The following C8A variants were observed in gnomAD, a reference collection of about 807,000 sequenced individuals.
C8A encodes the protein complement component C8 alpha chain.
Under a neutral mutation model 65.3 loss-of-function variants are expected in C8A, and 67 were observed. The ratio of observed to expected loss-of-function variants is 1.03; its 90% CI spans 0.84 to 1.26. The LOEUF is 1.26. C8A is among the 50% of genes most tolerant of loss of function. The pLI is 0.00. For synonymous variants in C8A, 290 were observed against 259.4 expected (o/e 1.12, Z -1.13); for missense variants, 781 against 723.9 (o/e 1.08, Z -0.90).
intron 7 of C8A, among the ~76,000 whole-genome samples, chr1:56,892,997 C>T (rs1486487444): frequency 2.0e-5 from 3 of 152,130 alleles, no homozygotes; most frequent in Non-Finnish European, 4.4e-5. Flanking sequence ...TGATGATTTG[C>T]TCACAAAAAC....
At chr1:56,875,896 C>A (rs1235511709) in intron 3 of C8A, among the ~76,000 whole-genome samples, 166 bp from the exon 4 acceptor site, 2 of 152,056 alleles carry the variant, frequency 1.3e-5, no homozygotes, top group Non-Finnish European at 2.9e-5. Flanking sequence ...TGGGAGGCTG[C>A]AGACAGGAGC....
chr1:56,907,263 A>C (rs1293590805), intron 8 of C8A, among the ~76,000 whole-genome samples: 3 of 152,174 alleles, frequency 2.0e-5, no homozygotes, highest in African/African-American at 7.2e-5. Context: ...TTACTCATCC[A>C]TTCATCAAAC....
intron 10 of C8A, among the ~76,000 whole-genome samples, chr1:56,913,897 C>T (rs1180668483): frequency 6.6e-6 from 1 of 152,152 alleles, no homozygotes; most frequent in African/African-American, 2.4e-5. Flanking sequence ...CCATTAGTCC[C>T]AGTTCACTCA....
At chr1:56,883,718 A>G (rs761985194) in intron 6 of C8A, 37 bp downstream of exon 6, 1 of 1,539,588 alleles carries the variant, frequency 6.5e-7, no homozygotes. Flanking sequence ...ACAGTATTCC[A>G]TAATATACAC....
intron 7 of C8A, among the ~76,000 whole-genome samples, chr1:56,887,981 C>T (rs1007478084): frequency 2.0e-5 from 3 of 151,852 alleles, no homozygotes; most frequent in African/African-American, 4.8e-5. Flanking sequence ...CAGGGCCTGT[C>T]GGGGATGGGG....
At chr1:56,893,927 A>G (rs1644368352) in intron 7 of C8A, among the ~76,000 whole-genome samples, 1 of 152,170 alleles carries the variant, frequency 6.6e-6, no homozygotes, top group African/African-American at 2.4e-5. Flanking sequence ...CTTCTAAATG[A>G]GTCAATGAGA....
In C8A at chr1:56,907,927, G is replaced by A. The variant is rs185107573; in HGVS notation, c.1223-29G>A. The A allele has an allele frequency of 1.4e-3, 2,309 of 1,613,866 alleles. 20 individuals carry two copies. Among genetic ancestry groups the A allele is most frequent in the Middle Eastern group, 6.6e-3 (40 of 6,060 alleles). On this transcript the variant is annotated intron_variant, in intron 8 of 10. Transcript: ENST00000361249. ...AGTCCTTGGGCTTTTTGGGAAATGAGTTAATGCAGTTTATCCTCTTGATGG... is the reference window on the plus strand; with the variant it reads ...AGTCCTTGGGCTTTTTGGGAAATGAATTAATGCAGTTTATCCTCTTGATGG...
chr1:56,880,661 CAA>C lies in C8A; in HGVS notation c.465-782_465-781del, dbSNP rs540730766. Among the ~76,000 whole-genome samples, 1,124 of 152,152 alleles carry C rather than the reference CAA, an allele frequency of 7.4e-3. 11 individuals carry two copies. Among genetic ancestry groups the C allele is most frequent in the Non-Finnish European group, 0.012 (814 of 67,980 alleles). On this transcript the variant is annotated intron_variant, in intron 4 of 10. Transcript: ENST00000361249. ...GCACTATGAATTGCATCCAATATTT[CAA>C]AGTTTTTTTTTGTAGCAGCAGAGCC...
rs267598667 is a variant in C8A, at chr1:56,874,989, G to T, written c.212G>T (p.Gly71Val). The change falls in exon 3 of 11, where the codon GGA becomes GTA. Residue 71 changes from glycine (G) to valine (V), a missense_variant. By Grantham distance (109) the Gly-to-Val change is moderately radical (BLOSUM62 -3). Coordinates refer to ENST00000361249, the MANE Select transcript of C8A (RefSeq NM_000562.3). ...CTCTTGCAGCCAAACAAGTTTGGGG[G>T]AACCATCTGCAGTGGTGACATCTGG... ...RSLLQPNKFG[G>V]TICSGDIWDQ... The T allele has an allele frequency of 1.2e-6, 2 of 1,613,610 alleles. No homozygotes were observed. Among genetic ancestry groups the T allele is most frequent in the Non-Finnish European group, 1.7e-6 (2 of 1,179,822 alleles).
intron 4 of C8A, among the ~76,000 whole-genome samples, chr1:56,877,979 A>C (rs1644213980): frequency 6.6e-6 from 1 of 152,202 alleles, no homozygotes; most frequent in South Asian, 2.1e-4. Context: ...ATAACAAAAC[A>C]CCACATCCTG....
chr1:56,899,522 A>G (rs991246726), intron 7 of C8A, among the ~76,000 whole-genome samples: 4 of 152,194 alleles, frequency 2.6e-5, no homozygotes, highest in African/African-American at 4.8e-5. Flanking sequence ...TGAGTGAGCT[A>G]ACACATGGAA....
rs769091563 is a variant in C8A at position 56,912,624 on chromosome 1, A to G, written c.1602A>G (p.Glu534=). Residue 534 remains glutamate (E), a splice_region_variant and synonymous_variant, in exon 10 of 11, where the codon GAA becomes GAG. Transcript: ENST00000361249. ...CTGCCTGTGAGCAAACACAGACAGA[A>G]GGTAAGGTCCGTGCATCCCCACCCA... ...LGAACEQTQT[E]GAKADGSWSC... 26 of 1,613,830 alleles carry G rather than the reference A, an allele frequency of 1.6e-5. No individual in the cohort carries two copies. Among genetic ancestry groups the G allele is most frequent in the Non-Finnish European group, 8.5e-7 (1 of 1,179,932 alleles).
At chr1:56,862,294 G>T (rs1014368976) in intron 1 of C8A, among the ~76,000 whole-genome samples, 1 of 152,180 alleles carries the variant, frequency 6.6e-6, no homozygotes, top group Non-Finnish European at 1.5e-5. Context: ...ATGCATATTT[G>T]CTGGACTCTA....
chr1:56,888,612 A>T (rs2101254688), intron 7 of C8A, among the ~76,000 whole-genome samples: 1 of 152,324 alleles, frequency 6.6e-6, no homozygotes, highest in East Asian at 1.9e-4. Flanking sequence ...TTAAATAAAA[A>T]CATGCATATT....
intron 1 of C8A, among the ~76,000 whole-genome samples, chr1:56,861,712 G>C (rs990295340): frequency 3.3e-5 from 5 of 152,190 alleles, no homozygotes; most frequent in Non-Finnish European, 7.3e-5. Context: ...TGAAGACTGA[G>C]CACTTTCAAA....
chr1:56,886,846 C>G (rs1644304232), intron 7 of C8A, among the ~76,000 whole-genome samples: 1 of 152,142 alleles, frequency 6.6e-6, no homozygotes, highest in Non-Finnish European at 1.5e-5. Context: ...AATGATGTTA[C>G]TCCAACCTAG....
intron 8 of C8A, 150 bp from the exon 9 acceptor site, chr1:56,907,806 G>A (rs1644477561): frequency 2.2e-6 from 2 of 919,816 alleles, no homozygotes; most frequent in African/African-American, 1.6e-5. Flanking sequence ...CTTCTGCCTT[G>A]TCCTGCTAGC....
At chr1:56,888,741 G>A (rs955548780) in intron 7 of C8A, among the ~76,000 whole-genome samples, 28 of 152,106 alleles carry the variant, frequency 1.8e-4, no homozygotes, top group African/African-American at 6.8e-4. Context: ...TCAAAAACAT[G>A]AGGAAGGAAA....
chr1:56,865,785 C>T (rs1317778861), intron 1 of C8A, among the ~76,000 whole-genome samples: 1 of 152,090 alleles, frequency 6.6e-6, no homozygotes, highest in Non-Finnish European at 1.5e-5. Context: ...GGAAACATAT[C>T]CACTACCATG....
Sources: gnomAD v4.1 joint callset for allele counts (sites outside exome capture counted in the v4.1 genomes callset) on GRCh38, gnomAD v4.1.1 for gene constraint, MANE v1.5 for transcripts, NCBI Gene and HGNC (gene_info 2026-07-23, HGNC 2026-07-21) for gene names.